The following RGS6 variants were observed in gnomAD, a reference collection of about 807,000 sequenced individuals.
RGS6 encodes regulator of G-protein signaling 6.
A neutral mutation model predicts 78.5 loss-of-function variants in RGS6; 30 were observed. The observed-to-expected ratio is 0.38, with a 90% CI of 0.29 to 0.52. The LOEUF (loss-of-function observed/expected upper bound fraction) is 0.52. Ranked by LOEUF, RGS6 falls within the 20% of genes least tolerant of loss-of-function variation. The probability of loss-of-function intolerance (pLI) is 0.85; values close to 1 mark genes in which losing one functional copy is unlikely to be tolerated. For missense variants in RGS6, 495 were observed against 609.7 expected (o/e 0.81, Z 1.98); for synonymous variants, 206 against 206.0 (o/e 1.00, Z 0.00).
At chr14:72,198,216 G>A (rs1490943172) in intron 2 of RGS6, among the ~76,000 whole-genome samples, 9 of 152,074 alleles carry the variant, frequency 5.9e-5, no homozygotes, top group African/African-American at 4.8e-5. Flanking sequence ...AGCTGGGTGC[G>A]ATGCTGTGCA....
chr14:72,279,286 C>G (rs143839614), intron 2 of RGS6, among the ~76,000 whole-genome samples: 124 of 152,152 alleles, frequency 8.1e-4, no homozygotes, highest in African/African-American at 2.7e-3. Context: ...GCTGGCATCT[C>G]TCATCATGGA....
chr14:72,557,373 C>A (rs1212032752), intron 17 of RGS6, among the ~76,000 whole-genome samples: 1 of 152,172 alleles, frequency 6.6e-6, no homozygotes, highest in Non-Finnish European at 1.5e-5. Context: ...CTTTGCATTC[C>A]CTTTTAAAAT....
chr14:72,473,397 G>T (rs1013532117), intron 9 of RGS6, among the ~76,000 whole-genome samples: 37 of 152,216 alleles, frequency 2.4e-4, no homozygotes, highest in African/African-American at 8.7e-4. Flanking sequence ...TGAGCCGAGA[G>T]CGCACCACTG....
rs1324114375 is a variant in RGS6, at chr14:72,562,441, C to G, written c.1447C>G (p.Leu483Val). ...SVGKSLAGKR[L>V]TGLMQSS ...GGGAAAGTCGCTGGCGGGCAAGCGC[C>G]TCACGGGCCTGATGCAGTCCTCCTG... is the stretch of plus-strand genomic sequence containing the variant. The change falls in exon 18 of 18, where the codon CTC becomes GTC. Residue 483 changes from leucine to valine, a missense_variant. Transcript: ENST00000553525. 1 of 1,612,850 alleles carries G rather than the reference C, an allele frequency of 6.2e-7. No individual in the cohort carries two copies. Among genetic ancestry groups the G allele is most frequent in the Non-Finnish European group, 8.5e-7 (1 of 1,180,056 alleles).
intron 3 of RGS6, among the ~76,000 whole-genome samples, chr14:72,366,720 A>G (rs1007938457): frequency 2.6e-5 from 4 of 152,182 alleles, no homozygotes; most frequent in Admixed American, 1.3e-4. Context: ...AACAAAGATG[A>G]TCACTGGAGC....
At chr14:72,407,921 T>C (rs562207062) in intron 3 of RGS6, among the ~76,000 whole-genome samples, 1 of 152,358 alleles carries the variant, frequency 6.6e-6, no homozygotes, top group South Asian at 2.1e-4. Flanking sequence ...GAGCCCTATA[T>C]TGGAAACTGT....
intron 16 of RGS6, among the ~76,000 whole-genome samples, chr14:72,538,412 G>A (rs2097277839): frequency 6.6e-6 from 1 of 152,228 alleles, no homozygotes; most frequent in African/African-American, 2.4e-5. Context: ...TCACACTGAA[G>A]AATCAGGTTC....
intron 2 of RGS6, among the ~76,000 whole-genome samples, chr14:72,264,055 C>T (rs574151062): frequency 1.1e-4 from 17 of 152,142 alleles, no homozygotes; most frequent in Non-Finnish European, 1.9e-4. Flanking sequence ...CAGAGAAACA[C>T]GTGAACATTC....
chr14:72,192,541 C>A (rs976747989), intron 2 of RGS6, among the ~76,000 whole-genome samples: 4 of 152,142 alleles, frequency 2.6e-5, no homozygotes, highest in African/African-American at 9.7e-5. Context: ...CTCTCACTTT[C>A]CAGAAAAAGG....
At chr14:71,876,988 A>G in the RGS6 span, among the ~76,000 whole-genome samples, 2 of 152,316 alleles carry the variant, frequency 1.3e-5, no homozygotes, top group South Asian at 2.1e-4. Context: ...TTCTTTAAGA[A>G]TGTTGAATAT....
intron 2 of RGS6, among the ~76,000 whole-genome samples, chr14:72,107,651 AT>A (rs998010322): frequency 4.5e-4 from 68 of 152,270 alleles, no homozygotes; most frequent in African/African-American, 1.6e-3. Flanking sequence ...TAGATGTTAT[AT>A]GTATTTAAAT....
At chr14:72,197,508 A>C (rs908586205) in intron 2 of RGS6, among the ~76,000 whole-genome samples, 4 of 152,216 alleles carry the variant, frequency 2.6e-5, no homozygotes, top group African/African-American at 7.2e-5. Context: ...GCAAACGAAG[A>C]AGGGAAGGCC....
intron 2 of RGS6, among the ~76,000 whole-genome samples, chr14:72,056,178 A>T (rs544150871): frequency 1.3e-5 from 2 of 152,312 alleles, no homozygotes; most frequent in African/African-American, 2.4e-5. Context: ...CAGTATTCTC[A>T]TTTACAGATG....
At chr14:72,454,667 G>A (rs760141894) in intron 4 of RGS6, 89 bp downstream of exon 4, 1 of 975,890 alleles carries the variant, frequency 1.0e-6, no homozygotes, top group Non-Finnish European at 1.6e-6. Flanking sequence ...CTGCCCTCCT[G>A]AGAACTGGTC....
the RGS6 span, among the ~76,000 whole-genome samples, chr14:71,905,890 T>C: frequency 1.3e-5 from 2 of 152,142 alleles, no homozygotes; most frequent in African/African-American, 4.8e-5. Context: ...CACATCTGGG[T>C]CTTTAAACAA....
At chr14:72,490,293 G>T (rs897122496) in intron 12 of RGS6, among the ~76,000 whole-genome samples, 3 of 152,178 alleles carry the variant, frequency 2.0e-5, no homozygotes, top group African/African-American at 7.2e-5. Flanking sequence ...GACATGACTT[G>T]CTCCTCCTTG....
chr14:72,402,578 G>A (rs117724622), intron 3 of RGS6, among the ~76,000 whole-genome samples: 1,763 of 152,000 alleles, frequency 0.012, 20 homozygotes, highest in Non-Finnish European at 0.016. Context: ...CAGTTAGAAC[G>A]GCTATGATCA....
the RGS6 span, among the ~76,000 whole-genome samples, chr14:72,610,163 C>A: frequency 6.6e-6 from 1 of 152,184 alleles, no homozygotes; most frequent in Non-Finnish European, 1.5e-5. Flanking sequence ...AAGAAGCAAT[C>A]CCAGGTTTGC....
At chr14:72,491,825 CCATGGAAAGCAGGAAT>C (rs1292462364) in intron 12 of RGS6, among the ~76,000 whole-genome samples, 4 of 152,078 alleles carry the variant, frequency 2.6e-5, no homozygotes, top group Non-Finnish European at 5.9e-5. Flanking sequence ...GCACTAGGGA[CCATGGAAAGCAGGAAT>C]GAGGCATGGG....
Sources: allele counts gnomAD v4.1 joint callset (sites outside exome capture counted in the v4.1 genomes callset), GRCh38; gene constraint gnomAD v4.1.1; transcripts MANE v1.5; gene names NCBI Gene and HGNC (gene_info 2026-07-23, HGNC 2026-07-21).